Variants in TSHR observed in about 807,000 individuals in gnomAD.
TSHR encodes thyroid stimulating hormone receptor, also known as thyrotropin receptor.
In TSHR, 51 loss-of-function variants were observed where a neutral mutation model predicts 64.1. The ratio of observed to expected loss-of-function variants is 0.80; its 90% CI spans 0.64 to 1.01. The LOEUF (loss-of-function observed/expected upper bound fraction) is 1.01, where lower values mean the gene tolerates loss of function less well. Ranked by LOEUF, TSHR falls within the 50% of genes least tolerant of loss-of-function variation. The probability of loss-of-function intolerance (pLI) is 0.00; values close to 1 mark genes in which losing one functional copy is unlikely to be tolerated. For missense variants in TSHR, 877 were observed against 942.8 expected (o/e 0.93, Z 0.91); for synonymous variants, 361 against 361.9 (o/e 1.00, Z 0.03).
intron 8 of TSHR, among the ~76,000 whole-genome samples, chr14:81,135,491 G>A (rs1240091219): frequency 6.6e-6 from 1 of 152,216 alleles, no homozygotes; most frequent in African/African-American, 2.4e-5. Context: ...AAACTCAGGT[G>A]AAATGTAGTT....
chr14:81,027,052 A>C (rs2139813526), intron 1 of TSHR, among the ~76,000 whole-genome samples: 1 of 151,680 alleles, frequency 6.6e-6, no homozygotes, highest in East Asian at 1.9e-4. Context: ...AAAAAAAAAA[A>C]GAAAGGCCTT....
At chr14:80,973,542 A>G (rs1373284053) in intron 1 of TSHR, among the ~76,000 whole-genome samples, 1 of 152,032 alleles carries the variant, frequency 6.6e-6, no homozygotes, top group Admixed American at 6.6e-5. Flanking sequence ...TTGGCAGAGG[A>G]ACACTATGCA....
chr14:81,080,428 C>T (rs1887819831), intron 3 of TSHR, among the ~76,000 whole-genome samples: 2 of 152,240 alleles, frequency 1.3e-5, no homozygotes, highest in African/African-American at 4.8e-5. Context: ...CTTAAATAAT[C>T]ATGAAAGTAG....
At chr14:81,006,192 G>T (rs955378396) in intron 1 of TSHR, among the ~76,000 whole-genome samples, 7 of 152,240 alleles carry the variant, frequency 4.6e-5, no homozygotes, top group African/African-American at 1.7e-4. Context: ...TACTTTACAC[G>T]CATTTTCCCC....
At chr14:80,971,554 A>T (rs2139702809) in intron 1 of TSHR, among the ~76,000 whole-genome samples, 1 of 152,204 alleles carries the variant, frequency 6.6e-6, no homozygotes, top group Non-Finnish European at 1.5e-5. Flanking sequence ...GAACCTACCT[A>T]TTGGTTAAGT....
At chr14:80,999,886 T>C (rs1465623867) in intron 1 of TSHR, among the ~76,000 whole-genome samples, 3 of 152,064 alleles carry the variant, frequency 2.0e-5, no homozygotes, top group Admixed American at 6.6e-5. Context: ...GTATTTCACA[T>C]GAGTATTAAA....
At chr14:81,080,147 T>G (rs1272209074) in intron 3 of TSHR, among the ~76,000 whole-genome samples, 1 of 151,706 alleles carries the variant, frequency 6.6e-6, no homozygotes, top group Non-Finnish European at 1.5e-5. Flanking sequence ...AGAGAAGGGG[T>G]TTCACCATGT....
At position 81,144,763 on chromosome 14, in the gene TSHR, C is replaced by T. The variant is rs2097429481; in HGVS notation, c.*410C>T. On this transcript the variant is annotated 3_prime_UTR_variant, in exon 10 of 10. Coordinates refer to ENST00000298171, the MANE Select transcript of TSHR (RefSeq NM_000369.5). ...ATGCTATTAATTTGGTTGGTGACCA[C>T]AAGATAAAATCAGTCCCACGTTGGC... is the stretch of plus-strand genomic sequence containing the variant. 3.8e-6 allele frequency: 1 copy of T among 264,022 alleles called. No individual in the cohort carries two copies. The highest frequency in any genetic ancestry group is 4.9e-5 in the Admixed American group (1 of 20,554). The allele number at this position is 264,022 out of a possible 1,614,324, so 16.4% of individuals were successfully genotyped here.
chr14:81,113,481 G>C lies in TSHR; in HGVS notation c.692+5029G>C, dbSNP rs571635339. The stretch of plus-strand genomic sequence containing the variant: ...TATATTTGAGACTCTTTGGAATGTA[G>C]CTGGTGATGAGGGGATACAGGTATA... On this transcript the variant is annotated intron_variant, in intron 8 of 9. Coordinates refer to ENST00000298171, the MANE Select transcript of TSHR (RefSeq NM_000369.5). 5.3e-5 allele frequency among the ~76,000 whole-genome samples: 8 copies of C among 152,306 alleles called. No homozygotes were observed. In the South Asian group the frequency reaches 1.2e-3, roughly 24 times the overall value.
At chr14:80,991,731 T>C (rs1888733926) in intron 1 of TSHR, 1 of 393,300 alleles carries the variant, frequency 2.5e-6, no homozygotes, top group African/African-American at 2.1e-5. Flanking sequence ...CTCATAGACT[T>C]CAAACTTGGA....
rs535247609 is a variant in TSHR at position 81,145,075 on chromosome 14, A to G, written c.*722A>G. On this transcript the variant is annotated 3_prime_UTR_variant, in exon 10 of 10. Coordinates refer to ENST00000298171, the MANE Select transcript of TSHR (RefSeq NM_000369.5). ...AAACTAAGAATTGCTCTTCTTGGCC[A>G]GCCTCATAGCATAAAAGATGTGAAC... is the stretch of plus-strand genomic sequence containing the variant. 1 of 233,340 alleles carries G rather than the reference A, an allele frequency of 4.3e-6. No homozygotes were observed. Among genetic ancestry groups the G allele is most frequent in the East Asian group, 6.0e-5 (1 of 16,560 alleles). The allele number at this position is 233,340 out of a possible 1,614,324, so 14.5% of individuals were successfully genotyped here.
intron 8 of TSHR, chr14:81,108,825 G>A (rs1890089399): frequency 6.5e-7 from 1 of 1,530,632 alleles, no homozygotes. Flanking sequence ...GTACCTGAAT[G>A]TACATTGCAC....
chr14:81,038,082 G>T (rs112461408), intron 1 of TSHR, among the ~76,000 whole-genome samples: 1 of 151,916 alleles, frequency 6.6e-6, no homozygotes, highest in East Asian at 1.9e-4. Flanking sequence ...TATATGTTAG[G>T]CCACAAAACA....
intron 8 of TSHR, among the ~76,000 whole-genome samples, chr14:81,125,262 T>A (rs78142689): frequency 0.024 from 3,698 of 152,210 alleles, 54 homozygotes; most frequent in Non-Finnish European, 0.038. Context: ...GATAGAGTTA[T>A]GAGAGAAAAC....
At chr14:81,045,796 A>G (rs1235790342) in intron 1 of TSHR, among the ~76,000 whole-genome samples, 1 of 152,222 alleles carries the variant, frequency 6.6e-6, no homozygotes, top group Admixed American at 6.5e-5. Context: ...ACAGCTACAT[A>G]AGTATTTACT....
intron 8 of TSHR, among the ~76,000 whole-genome samples, chr14:81,135,109 GA>G (rs1446075233): frequency 6.6e-6 from 1 of 152,104 alleles, no homozygotes; most frequent in Non-Finnish European, 1.5e-5. Flanking sequence ...AGTACCAATT[GA>G]ATATAAGGGT....
At chr14:81,096,885 C>T (rs549879039) in intron 7 of TSHR, among the ~76,000 whole-genome samples, 178 bp downstream of exon 7, 18 of 151,024 alleles carry the variant, frequency 1.2e-4, no homozygotes, top group African/African-American at 3.9e-4. Context: ...TGGGCGCTTA[C>T]GTTAGCTCCA....
chr14:81,055,749 G>C (rs969860894), intron 1 of TSHR, among the ~76,000 whole-genome samples: 56 of 152,158 alleles, frequency 3.7e-4, no homozygotes, highest in Non-Finnish European at 1.2e-4. Flanking sequence ...ATTTGGAATG[G>C]CTGTATTTAC....
At chr14:81,102,651 G>A (rs1212355235) in intron 7 of TSHR, 3 of 356,284 alleles carry the variant, frequency 8.4e-6, no homozygotes, top group Non-Finnish European at 1.2e-5. Context: ...TGTGAAAGCA[G>A]CCATAGACAA....
Sources: gnomAD v4.1 joint callset for allele counts (sites outside exome capture counted in the v4.1 genomes callset) on GRCh38, gnomAD v4.1.1 for gene constraint, MANE v1.5 for transcripts, NCBI Gene and HGNC (gene_info 2026-07-23, HGNC 2026-07-21) for gene names.